Variants in KIAA1549 observed in about 807,000 individuals in gnomAD.
The protein encoded by KIAA1549 is KIAA1549, also known as UPF0606 protein KIAA1549.
Under a neutral mutation model 156.4 loss-of-function variants are expected in KIAA1549, and 70 were observed. That is an observed-to-expected ratio of 0.45 (90% confidence interval 0.37 to 0.55). KIAA1549 has a LOEUF of 0.55. Among genes scored for constraint, KIAA1549 ranks in the 20% least tolerant of loss-of-function variants. KIAA1549 has a pLI of 0.00. For synonymous variants in KIAA1549, 1,103 were observed against 1,066.4 expected, an observed-to-expected ratio of 1.03 and a Z score of -0.67; for missense variants, 2,428 against 2,540.9, an observed-to-expected ratio of 0.96 and a Z score of 0.96.
chr7:138,960,149 C>G (rs1214915298), intron 1 of KIAA1549, among the ~76,000 whole-genome samples: 33 of 152,016 alleles, frequency 2.2e-4, no homozygotes, highest in Admixed American at 2.2e-3. Flanking sequence ...AAAAAATATA[C>G]ATGAGGCTGG....
At chr7:138,957,142 C>G (rs1047682824) in intron 1 of KIAA1549, among the ~76,000 whole-genome samples, 4 of 152,188 alleles carry the variant, frequency 2.6e-5, no homozygotes, top group African/African-American at 9.6e-5. Flanking sequence ...TAAAACAGTT[C>G]AACGCAGTTC....
chr7:138,844,872 T>A (rs1810029303), intron 17 of KIAA1549, among the ~76,000 whole-genome samples: 1 of 150,508 alleles, frequency 6.6e-6, no homozygotes, highest in Non-Finnish European at 1.5e-5. Context: ...AACACAGCGG[T>A]AATTTTTTTT....
chr7:138,879,211 C>T (rs1373760470), intron 12 of KIAA1549, among the ~76,000 whole-genome samples: 1 of 152,180 alleles, frequency 6.6e-6, no homozygotes, highest in East Asian at 1.9e-4. Context: ...CCTAAGAAAG[C>T]TATTGAATCC....
intron 1 of KIAA1549, among the ~76,000 whole-genome samples, chr7:138,921,019 G>A (rs1248528611): frequency 6.6e-6 from 1 of 152,176 alleles, no homozygotes; most frequent in Non-Finnish European, 1.5e-5. Context: ...CTGCTCAAGG[G>A]CAGTGACTGG....
chr7:138,857,300 T>A (rs1444969598), intron 16 of KIAA1549, among the ~76,000 whole-genome samples: 3 of 152,198 alleles, frequency 2.0e-5, no homozygotes, highest in Non-Finnish European at 4.4e-5. Context: ...TTATTTTAAA[T>A]AATAGACCCT....
chr7:138,907,980 C>T lies in KIAA1549; in HGVS notation c.3277-878G>A, dbSNP rs539197809. On this transcript the variant is annotated intron_variant, in intron 5 of 19. Coordinates refer to ENST00000422774, the MANE Select transcript of KIAA1549 (RefSeq NM_001164665.2). Reference sequence around the variant, plus strand: ...TTCCCTGTCTGCTTGTCTCTGACCACACACTGCACCCAGAGAGAAGCCCAC... The same window carrying T: ...TTCCCTGTCTGCTTGTCTCTGACCATACACTGCACCCAGAGAGAAGCCCAC... Among the ~76,000 whole-genome samples, 38 of 152,270 alleles carry T rather than the reference C, an allele frequency of 2.5e-4. No individual in the cohort carries two copies. The South Asian group carries it at 7.9e-3, about 32-fold the overall frequency.
chr7:138,856,181 G>A (rs563773470), intron 16 of KIAA1549, among the ~76,000 whole-genome samples: 10 of 151,284 alleles, frequency 6.6e-5, no homozygotes, highest in East Asian at 1.9e-4. Context: ...ACAGGTGCCC[G>A]CCACCACGCC....
At chr7:138,956,828 A>G (rs1398875333) in intron 1 of KIAA1549, among the ~76,000 whole-genome samples, 1 of 152,218 alleles carries the variant, frequency 6.6e-6, no homozygotes, top group East Asian at 1.9e-4. Flanking sequence ...GTTAACTCAT[A>G]GAAGCATTCC....
Position 138,835,761 on chromosome 7 carries a change from G to C in KIAA1549, c.*2145C>G, listed in dbSNP as rs905922722. The C allele has an allele frequency of 4.5e-6, 1 of 220,828 alleles. No individual in the cohort carries two copies. The highest frequency in any genetic ancestry group is 2.2e-5 in the African/African-American group (1 of 44,692). 13.7% of individuals were successfully genotyped at this position (220,828 alleles called of 1,614,324 possible). On this transcript the variant is annotated 3_prime_UTR_variant, in exon 20 of 20. Coordinates refer to ENST00000422774, the MANE Select transcript of KIAA1549 (RefSeq NM_001164665.2). ...GTCGGGTATTAAACCAAGACCAAGA[G>C]AAATTTGGTATTAAACCAAAACCAA...
intron 12 of KIAA1549, chr7:138,876,429 C>G (rs10249247): frequency 0.44 from 67,607 of 151,986 alleles, 15,804 homozygotes; most frequent in Middle Eastern, 0.59. Context: ...TCTTTGTTGC[C>G]TTTCAATTTT....
chr7:138,920,645 A>T (rs940942126), intron 1 of KIAA1549, among the ~76,000 whole-genome samples: 3 of 152,200 alleles, frequency 2.0e-5, no homozygotes, highest in Non-Finnish European at 4.4e-5. Flanking sequence ...TAGCCTAGAG[A>T]AAAAGGACAA....
chr7:138,904,136 T>C (rs772671482), intron 7 of KIAA1549, among the ~76,000 whole-genome samples: 43 of 152,174 alleles, frequency 2.8e-4, no homozygotes, highest in Non-Finnish European at 4.4e-4. Flanking sequence ...TGTGAGTTCA[T>C]TGTCTTGCCT....
intron 2 of KIAA1549, among the ~76,000 whole-genome samples, chr7:138,914,122 T>A (rs957557759): frequency 1.3e-5 from 2 of 151,704 alleles, no homozygotes; most frequent in African/African-American, 4.8e-5. Flanking sequence ...AATCCCTAAA[T>A]AGGAAAGCAG....
intron 12 of KIAA1549, among the ~76,000 whole-genome samples, chr7:138,872,012 G>A (rs1008303785): frequency 4.0e-5 from 6 of 151,694 alleles, no homozygotes; most frequent in Non-Finnish European, 5.9e-5. Flanking sequence ...TTTTTGAGAC[G>A]GAGTCTCACT....
intron 16 of KIAA1549, among the ~76,000 whole-genome samples, chr7:138,855,697 T>A (rs946214660): frequency 1.3e-5 from 2 of 152,218 alleles, no homozygotes; most frequent in African/African-American, 4.8e-5. Context: ...AGAACATTAA[T>A]TAGAGCCACT....
At chr7:138,922,709 C>A (rs879267526) in intron 1 of KIAA1549, among the ~76,000 whole-genome samples, 1 of 151,306 alleles carries the variant, frequency 6.6e-6, no homozygotes, top group Non-Finnish European at 1.5e-5. Context: ...GGGGATAGGT[C>A]TGAAGAAATT....
At chr7:138,938,938 C>T (rs967598550) in intron 1 of KIAA1549, among the ~76,000 whole-genome samples, 2 of 152,084 alleles carry the variant, frequency 1.3e-5, no homozygotes, top group African/African-American at 4.8e-5. Context: ...ATCCCAGCTA[C>T]TTGGGAGGCT....
intron 1 of KIAA1549, among the ~76,000 whole-genome samples, chr7:138,976,742 A>G (rs903227065): frequency 6.6e-6 from 1 of 152,236 alleles, no homozygotes; most frequent in African/African-American, 2.4e-5. Flanking sequence ...TATATCTTCA[A>G]AATACTGTTA....
At chr7:138,875,400 T>G (rs893103206) in intron 12 of KIAA1549, among the ~76,000 whole-genome samples, 3 of 152,082 alleles carry the variant, frequency 2.0e-5, no homozygotes, top group African/African-American at 7.2e-5. Context: ...ATCCCAGCAC[T>G]TTGGAAGGCT....
Sources: allele counts gnomAD v4.1 joint callset (sites outside exome capture counted in the v4.1 genomes callset), GRCh38; gene constraint gnomAD v4.1.1; transcripts MANE v1.5; gene names NCBI Gene and HGNC (gene_info 2026-07-23, HGNC 2026-07-21).